ANGPT2: variants seen among roughly 807,000 people sequenced by gnomAD.
ANGPT2 encodes the protein angiopoietin-2.
Under a neutral mutation model 62.9 loss-of-function variants are expected in ANGPT2, and 28 were observed. The ratio of observed to expected loss-of-function variants is 0.44; its 90% confidence interval spans 0.33 to 0.61. The LOEUF (loss-of-function observed/expected upper bound fraction) is 0.61, where lower values mean the gene tolerates loss of function less well. ANGPT2 is among the 20% of genes least tolerant of loss of function. The probability of loss-of-function intolerance (pLI) is 0.03; values close to 1 mark genes in which losing one functional copy is unlikely to be tolerated. For missense variants in ANGPT2, 727 were observed against 594.9 expected (o/e 1.22, Z -2.31); for synonymous variants, 284 against 207.8 (o/e 1.37, Z -3.15).
At chr8:6,514,845 G>T (rs1293761523) in intron 5 of ANGPT2, 67 bp from the exon 6 acceptor site, 13 of 1,399,526 alleles carry the variant, frequency 9.3e-6, no homozygotes, top group Admixed American at 1.7e-5. Context: ...AGCAGAAGCA[G>T]GAGGAATGTA....
intron 1 of ANGPT2, among the ~76,000 whole-genome samples, chr8:6,547,822 C>A (rs558106310): frequency 6.0e-4 from 91 of 151,942 alleles, no homozygotes; most frequent in Non-Finnish European, 9.7e-4. Flanking sequence ...AAGAAGGGAG[C>A]CGTGGCAGAG....
chr8:6,536,560 T>G (rs542197783), intron 1 of ANGPT2, among the ~76,000 whole-genome samples: 1 of 152,286 alleles, frequency 6.6e-6, no homozygotes, highest in South Asian at 2.1e-4. Context: ...CAATGCCAAT[T>G]CTATCTTCTG....
Position 6,513,744 on chromosome 8 carries a change from C to T in ANGPT2, c.1130G>A (p.Trp377Ter). Reference protein sequence around the residue: ...RYVLKIHLKDWEGNEAYSLYE... With the variant: ...RYVLKIHLKD ...CAATGAGTAAGCCTCATTCCCTTCCCAGTCTTTAAGGTGTATTTTAAGCAC... is the reference window on the plus strand; with the variant it reads ...CAATGAGTAAGCCTCATTCCCTTCCTAGTCTTTAAGGTGTATTTTAAGCAC... Residue 377 changes from tryptophan (W) to a stop codon, truncating the protein, a stop_gained, in exon 7 of 9, where the codon TGG becomes TAG. Coordinates refer to ENST00000629816, the MANE Select transcript of ANGPT2 (RefSeq NM_001118887.2). LOFTEE classifies it high-confidence loss of function. The T allele has an allele frequency of 6.2e-7, 1 of 1,613,974 alleles. No individual in the cohort carries two copies. The highest frequency in any genetic ancestry group is 1.3e-5 in the African/African-American group (1 of 75,020).
chr8:6,505,300 TATGTATATA>T (rs1563305842), intron 8 of ANGPT2, among the ~76,000 whole-genome samples: 5 of 53,992 alleles, frequency 9.3e-5, no homozygotes, highest in African/African-American at 4.2e-4. Flanking sequence ...TATACATATA[TATGTATATA>T]ACATATATAT....
At chr8:6,507,049 C>A (rs1813881732) in intron 8 of ANGPT2, among the ~76,000 whole-genome samples, 3 of 152,032 alleles carry the variant, frequency 2.0e-5, no homozygotes, top group African/African-American at 7.2e-5. Flanking sequence ...AGGCGTATGC[C>A]ACCACGCCTG....
At chr8:6,514,340 C>A (rs1056158732) in intron 6 of ANGPT2, among the ~76,000 whole-genome samples, 2 of 152,118 alleles carry the variant, frequency 1.3e-5, no homozygotes, top group African/African-American at 4.8e-5. Context: ...CAGGTGTGCA[C>A]CACCACACCT....
At chr8:6,514,454 G>T (rs1285029155) in intron 6 of ANGPT2, among the ~76,000 whole-genome samples, 4 of 152,144 alleles carry the variant, frequency 2.6e-5, no homozygotes, top group African/African-American at 9.7e-5. Flanking sequence ...CTCCCAAAGT[G>T]CTGGGATTAC....
Position 6,502,980 on chromosome 8 carries a change from C to A in ANGPT2, c.*121G>T. The A allele has an allele frequency of 8.4e-7, 1 of 1,196,260 alleles. No homozygotes were observed. Among genetic ancestry groups the A allele is most frequent in the South Asian group, 1.5e-5 (1 of 67,576 alleles). 74.1% of individuals were successfully genotyped at this position (1,196,260 alleles called of 1,614,324 possible). A position where few individuals can be genotyped will look rare whatever the true frequency, so the allele number is the denominator to read the frequency against. On this transcript the variant is annotated 3_prime_UTR_variant, in exon 9 of 9. Transcript: ENST00000629816. Reference sequence around the variant, plus strand: ...CTAATCTGGAGCATGTGGGTCCCGTCAGCACCGAGCACACGCCCTCTGTGG... The same window carrying A: ...CTAATCTGGAGCATGTGGGTCCCGTAAGCACCGAGCACACGCCCTCTGTGG...
chr8:6,526,515 T>A (rs1818378595), intron 3 of ANGPT2, among the ~76,000 whole-genome samples: 1 of 152,118 alleles, frequency 6.6e-6, no homozygotes, highest in African/African-American at 2.4e-5. Flanking sequence ...CATTTACTGT[T>A]TGTAGAGGAG....
intron 3 of ANGPT2, among the ~76,000 whole-genome samples, chr8:6,522,678 G>A (rs1817587152): frequency 6.6e-6 from 1 of 151,760 alleles, no homozygotes; most frequent in South Asian, 2.1e-4. Flanking sequence ...GGAGGCTGAG[G>A]CAGGAGAACT....
chr8:6,548,462 C>G (rs375771865), intron 1 of ANGPT2, among the ~76,000 whole-genome samples: 3 of 152,164 alleles, frequency 2.0e-5, no homozygotes, highest in African/African-American at 7.2e-5. Context: ...GCTAGCTCTC[C>G]TCTGCCCAGC....
At position 6,514,729 on chromosome 8, in the gene ANGPT2, C is replaced by A. The variant is rs201772772; in HGVS notation, c.977G>T (p.Arg326Leu). 8.7e-6 allele frequency: 14 copies of A among 1,613,950 alleles called. No individual in the cohort carries two copies. The highest frequency in any genetic ancestry group is 1.3e-5 in the African/African-American group (1 of 74,874). ...AAAATCAACGCTGCCATCCTCACGT[C>A]GCTGAATAATTGTCCACCCGCCTCC... ...AGGGGWTIIQ[R>L]REDGSVDFQR... Residue 326 changes from arginine to leucine, a missense_variant, in exon 6 of 9, where the codon CGA (arginine) becomes CTA (leucine). Arg to Leu is a moderately radical substitution (Grantham distance 102). Transcript: ENST00000629816.
chr8:6,532,206 C>A (rs187681300), intron 2 of ANGPT2, 126 bp downstream of exon 2: 2 of 1,102,406 alleles, frequency 1.8e-6, no homozygotes, highest in East Asian at 4.8e-5. Context: ...CTTATCAATT[C>A]ATTCCTTTTC....
chr8:6,524,057 A>G (rs998051470), intron 3 of ANGPT2, among the ~76,000 whole-genome samples: 10 of 152,198 alleles, frequency 6.6e-5, no homozygotes, highest in African/African-American at 2.4e-4. Flanking sequence ...AGCTTTCAAA[A>G]TATAGACACT....
At chr8:6,532,949 G>C (rs1819806890) in intron 1 of ANGPT2, among the ~76,000 whole-genome samples, 1 of 152,230 alleles carries the variant, frequency 6.6e-6, no homozygotes, top group Non-Finnish European at 1.5e-5. Context: ...ATAGACTTGA[G>C]AAGACACTCT....
At chr8:6,511,510 G>A (rs1815088088) in intron 7 of ANGPT2, among the ~76,000 whole-genome samples, 1 of 152,016 alleles carries the variant, frequency 6.6e-6, no homozygotes, top group Admixed American at 6.6e-5. Flanking sequence ...CTTATAACAT[G>A]TATTTTCCAG....
At position 6,499,760 on chromosome 8, in the gene ANGPT2, C is replaced by T. The variant is rs953416020; in HGVS notation, c.*3341G>A. On this transcript the variant is annotated 3_prime_UTR_variant, in exon 9 of 9. Transcript: ENST00000629816. ...TCTATTTCAGATCTGCGGAGTGTAT[C>T]ACTTTTTGCTGTGTCTTCAAAGTGA... is the stretch of plus-strand genomic sequence containing the variant. The T allele has an allele frequency of 9.4e-6, 10 of 1,068,090 alleles. No homozygotes were observed. The highest frequency in any genetic ancestry group is 5.9e-4 in the Middle Eastern group (2 of 3,388). The allele number at this position is 1,068,090 out of a possible 1,614,324, so 66.2% of individuals were successfully genotyped here.
At chr8:6,517,881 A>G (rs561713907) in intron 5 of ANGPT2, among the ~76,000 whole-genome samples, 121 of 152,336 alleles carry the variant, frequency 7.9e-4, no homozygotes, top group African/African-American at 2.7e-3. Context: ...AGAAGTAACA[A>G]TTGACACCAC....
chr8:6,526,793 A>G (rs753904263), intron 3 of ANGPT2, among the ~76,000 whole-genome samples: 3 of 152,216 alleles, frequency 2.0e-5, no homozygotes, highest in Non-Finnish European at 4.4e-5. Context: ...AAACAAGGAA[A>G]TAGGCACACC....
Sources: gnomAD v4.1 joint callset for allele counts (sites outside exome capture counted in the v4.1 genomes callset) on GRCh38, gnomAD v4.1.1 for gene constraint, MANE v1.5 for transcripts, NCBI Gene and HGNC (gene_info 2026-07-23, HGNC 2026-07-21) for gene names.